Variants in ST3GAL3 observed in about 807,000 individuals in gnomAD.
ST3GAL3 encodes the protein ST3 beta-galactoside alpha-2,3-sialyltransferase 3, also known as CMP-N-acetylneuraminate-beta-1,4-galactoside alpha-2,3-sialyltransferase.
ST3GAL3 carries 21 observed loss-of-function variants against 50.1 expected under a neutral mutation model. The ratio of observed to expected loss-of-function variants is 0.42; its 90% CI spans 0.30 to 0.60. The LOEUF is 0.60. ST3GAL3 is among the 20% of genes least tolerant of loss of function. ST3GAL3 has a pLI of 0.19. For synonymous variants in ST3GAL3, 183 were observed against 190.0 expected (o/e 0.96, Z 0.30); for missense variants, 353 against 489.4 (o/e 0.72, Z 2.63).
chr1:43,846,801 T>C (rs1285570417), intron 5 of ST3GAL3, among the ~76,000 whole-genome samples: 1 of 152,200 alleles, frequency 6.6e-6, no homozygotes, highest in Non-Finnish European at 1.5e-5. Context: ...GCTCAGCTTA[T>C]TTATTTTTGT....
chr1:43,795,100 C>G (rs1378153991), intron 3 of ST3GAL3, among the ~76,000 whole-genome samples: 1 of 152,080 alleles, frequency 6.6e-6, no homozygotes, highest in Non-Finnish European at 1.5e-5. Context: ...TAAAATATAG[C>G]AAATATATAG....
chr1:43,862,760 AAAAAAAT>A (rs1416123393), intron 5 of ST3GAL3, among the ~76,000 whole-genome samples: 5 of 151,928 alleles, frequency 3.3e-5, no homozygotes, highest in African/African-American at 1.2e-4. Context: ...AAAAAAAAAA[AAAAAAAT>A]TTAATTAGCA....
intron 9 of ST3GAL3, among the ~76,000 whole-genome samples, chr1:43,917,634 TA>T (rs2082253755): frequency 9.1e-5 from 7 of 76,506 alleles, no homozygotes; most frequent in South Asian, 2.8e-4. Flanking sequence ...ATATATAATA[TA>T]TAATATAATA....
intron 5 of ST3GAL3, among the ~76,000 whole-genome samples, chr1:43,862,028 T>TAAA (rs78700565): frequency 1.1e-4 from 15 of 130,970 alleles, no homozygotes; most frequent in African/African-American, 3.9e-4. Flanking sequence ...AAATCTGTCT[T>TAAA]AAAAAAAAAA....
At position 43,772,215 on chromosome 1, in the gene ST3GAL3, A is replaced by G. The variant is rs186781452; in HGVS notation, c.119-19887A>G. The G allele has an allele frequency of 2.5e-3, 963 of 389,218 alleles. 11 individuals carry two copies. The highest frequency in any genetic ancestry group is 1.6e-3 in the Non-Finnish European group (349 of 220,808). 24.1% of individuals were successfully genotyped at this position (389,218 alleles called of 1,614,324 possible). On this transcript the variant is annotated intron_variant, in intron 2 of 11. Coordinates refer to ENST00000347631, the MANE Select transcript of ST3GAL3 (RefSeq NM_006279.5). ...CAGGCATGCACCACCACACCTGGCTAATTTTGATTTTTAGTAGAGATGGGG... is the reference window on the plus strand; with the variant it reads ...CAGGCATGCACCACCACACCTGGCTGATTTTGATTTTTAGTAGAGATGGGG...
Position 43,899,340 on chromosome 1 carries a change from G to C in ST3GAL3, c.557+77G>C. ...GTCCTGAGCCCATTGAGAACTGTCT[G>C]TCTGGCTAGTTGGGCTGGAGGTCAA... On this transcript the variant is annotated intron_variant, in intron 8 of 11. Transcript: ENST00000347631. This position sits in a 1 kb window ranked among gnomAD's most constrained non-coding sequence, Gnocchi z 5.4. 6.2e-7 allele frequency: 1 copy of C among 1,612,324 alleles called. No individual in the cohort carries two copies. Among genetic ancestry groups the C allele is most frequent in the Non-Finnish European group, 8.5e-7 (1 of 1,179,176 alleles).
At chr1:43,850,415 G>C in intron 5 of ST3GAL3, 1 of 577,096 alleles carries the variant, frequency 1.7e-6, no homozygotes, top group African/African-American at 1.9e-5. Flanking sequence ...ACTCTTTCAG[G>C]GTGGCTCTGA....
chr1:43,924,720 C>T (rs9326136), intron 11 of ST3GAL3, among the ~76,000 whole-genome samples: 86,140 of 152,118 alleles, frequency 0.57, 29,694 homozygotes, highest in Non-Finnish European at 0.77. Flanking sequence ...GCCAGATCTT[C>T]GGCTAAGGCG....
intron 1 of ST3GAL3, among the ~76,000 whole-genome samples, chr1:43,721,295 CTTTTTTTTTTTTT>C (rs35508020): frequency 1.1e-4 from 11 of 99,846 alleles, no homozygotes; most frequent in African/African-American, 4.3e-4. Context: ...ATAATTAAAC[CTTTTTTTTTTTTT>C]TTTTTTTTTT....
In ST3GAL3 at chr1:43,835,511, C is replaced by G. The variant is rs141010209; in HGVS notation, c.210-2708C>G. 5.8e-3 allele frequency among the ~76,000 whole-genome samples: 880 copies of G among 152,266 alleles called. 12 individuals carry two copies. The highest frequency in any genetic ancestry group is 0.02 in the African/African-American group (828 of 41,540). ...GGAGCCCATCATCCTTGATATTGGA[C>G]TGCCTTCCACTGCCATGGAGAGAGC... On this transcript the variant is annotated intron_variant, in intron 4 of 11. Transcript: ENST00000347631.
rs766792848 is a variant in ST3GAL3 at position 43,726,487 on chromosome 1, G to A, written c.-30-9746G>A. Reference sequence around the variant, plus strand: ...TTTTTTCTAGAGGTGGAATTTTGCTGTGTTGCCCAGGCTGGTCTTGAACTC... The same window carrying A: ...TTTTTTCTAGAGGTGGAATTTTGCTATGTTGCCCAGGCTGGTCTTGAACTC... On this transcript the variant is annotated intron_variant, in intron 1 of 11. Transcript: ENST00000347631. Among the ~76,000 whole-genome samples, 6 of 152,048 alleles carry A rather than the reference G, an allele frequency of 3.9e-5. No homozygotes were observed. The East Asian group carries it at 7.7e-4, about 20-fold the overall frequency.
chr1:43,831,270 C>T (rs1170406280), intron 4 of ST3GAL3, among the ~76,000 whole-genome samples: 1 of 152,148 alleles, frequency 6.6e-6, no homozygotes, highest in Non-Finnish European at 1.5e-5. Context: ...TAATACTTAC[C>T]TTAGAGTAGG....
chr1:43,905,569 T>C lies in ST3GAL3; in HGVS notation c.744+5842T>C, dbSNP rs554940595. On this transcript the variant is annotated intron_variant, in intron 9 of 11. Coordinates refer to ENST00000347631, the MANE Select transcript of ST3GAL3 (RefSeq NM_006279.5). ...TTCTGCTCCTATTCCTGCCACTGTT[T>C]CTCCCCCTCCTCCTGCTTCTCTTCC... Among the ~76,000 whole-genome samples the C allele has an allele frequency of 2.3e-3, 95 of 41,616 alleles. 1 individual carries two copies. The highest frequency in any genetic ancestry group is 7.7e-3 in the African/African-American group (69 of 8,904). 27.3% of individuals were successfully genotyped at this position (41,616 alleles called of 152,430 possible).
intron 4 of ST3GAL3, chr1:43,824,695 G>T (rs2062552417): frequency 6.2e-7 from 1 of 1,613,626 alleles, no homozygotes; most frequent in South Asian, 1.1e-5. Context: ...TGAGCTATGT[G>T]ATCAAGACTG....
Position 43,924,858 on chromosome 1 carries a change from C to T in ST3GAL3, c.1038+3930C>T, listed in dbSNP as rs1430489861. Among the ~76,000 whole-genome samples the T allele has an allele frequency of 2.0e-5, 3 of 152,216 alleles. No homozygotes were observed. In the East Asian group the frequency reaches 5.8e-4, roughly 29 times the overall value. On this transcript the variant is annotated intron_variant, in intron 11 of 11. Transcript: ENST00000347631. Reference sequence around the variant, plus strand: ...GGAATGAGGTAGGGCACTGCCTTCCCTGCAGCCCTCTCTGATGGAGTCTTT... The same window carrying T: ...GGAATGAGGTAGGGCACTGCCTTCCTTGCAGCCCTCTCTGATGGAGTCTTT...
chr1:43,907,470 G>A (rs1485551247), intron 9 of ST3GAL3, among the ~76,000 whole-genome samples: 1 of 152,132 alleles, frequency 6.6e-6, no homozygotes, highest in African/African-American at 2.4e-5. Flanking sequence ...CGGGGTCCTT[G>A]ATCATCTCAG....
chr1:43,918,258 C>T lies in ST3GAL3; in HGVS notation c.745-2146C>T, dbSNP rs188939817. On this transcript the variant is annotated intron_variant, in intron 9 of 11. Coordinates refer to ENST00000347631, the MANE Select transcript of ST3GAL3 (RefSeq NM_006279.5). The stretch of plus-strand genomic sequence containing the variant: ...CTCAGCCTCCGATGGCGTGAGACTA[C>T]AGGCACACGCCACCATGCTCTGCTC... Among the ~76,000 whole-genome samples the T allele has an allele frequency of 3.4e-3, 515 of 151,680 alleles. 1 individual carries two copies. Among genetic ancestry groups the T allele is most frequent in the Admixed American group, 9.7e-3 (147 of 15,230 alleles).
intron 4 of ST3GAL3, chr1:43,824,698 C>T (rs562876656): frequency 6.2e-7 from 1 of 1,613,632 alleles, no homozygotes; most frequent in Admixed American, 1.7e-5. Context: ...GCTATGTGAT[C>T]AAGACTGAAA....
intron 5 of ST3GAL3, among the ~76,000 whole-genome samples, chr1:43,854,510 G>T (rs1307803966): frequency 6.6e-6 from 1 of 151,882 alleles, no homozygotes; most frequent in Non-Finnish European, 1.5e-5. Flanking sequence ...TTCTTTTCCT[G>T]TGCCCATCCT....
Sources: allele counts gnomAD v4.1 joint callset (sites outside exome capture counted in the v4.1 genomes callset), GRCh38; gene constraint gnomAD v4.1.1; non-coding constraint Gnocchi (gnomAD v3.1); transcripts MANE v1.5; gene names NCBI Gene and HGNC (gene_info 2026-07-23, HGNC 2026-07-21).